NEFH: variants seen among roughly 807,000 people sequenced by gnomAD.
The protein encoded by NEFH is neurofilament heavy chain.
NEFH carries 58 observed loss-of-function variants against 56.6 expected under a neutral mutation model. That is an observed-to-expected ratio of 1.03 (90% confidence interval 0.83 to 1.28). The LOEUF (loss-of-function observed/expected upper bound fraction) is 1.28. Ranked by LOEUF, NEFH falls within the 50% of genes most tolerant of loss-of-function variation. The pLI, the probability that NEFH is intolerant of heterozygous loss-of-function variation, is 0.00. For missense variants in NEFH, 1,221 were observed against 1,307.6 expected, an observed-to-expected ratio of 0.93 and a Z score of 1.02; for synonymous variants, 542 against 545.8, an observed-to-expected ratio of 0.99 and a Z score of 0.10.
chr22:29,490,816 GC>G lies in NEFH; in HGVS notation c.*114del, dbSNP rs1448280461. 6.5e-7 allele frequency: 1 copy of G among 1,542,196 alleles called. No individual in the cohort carries two copies. Among genetic ancestry groups the G allele is most frequent in the African/African-American group, 1.4e-5 (1 of 73,036 alleles). ...TTCTGTCTTTATGTAAGAAGAAACT[GC>G]TTAGATGACGGGGCCTCCTTCTTCA... On this transcript the variant is annotated 3_prime_UTR_variant, in exon 4 of 4. Transcript: ENST00000310624.
intron 1 of NEFH, among the ~76,000 whole-genome samples, 161 bp downstream of exon 1, chr22:29,481,306 C>T (rs1436165969): frequency 6.6e-6 from 1 of 152,178 alleles, no homozygotes. Flanking sequence ...CGCAGTTTTA[C>T]TCTGGGTCTC....
chr22:29,480,291 T>TGCTGGGCGCCCGTCCGCGCC lies in NEFH; in HGVS notation c.40_41insGTCCGCGCCGCTGGGCGCCC (p.Pro14ArgfsTer22). ...ATGAGCTTCGGCGGCGCGGACGCGC[T>TGCTGGGCGCCCGTCCGCGCC]GCTGGGCGCCCCGTTCGCGCCGCTG... is the stretch of plus-strand genomic sequence containing the variant. On this transcript the variant is annotated frameshift_variant, in exon 1 of 4. Transcript: ENST00000310624. LOFTEE classifies it high-confidence loss of function. 1 of 1,508,620 alleles carries TGCTGGGCGCCCGTCCGCGCC rather than the reference T, an allele frequency of 6.6e-7. No homozygotes were observed. Among genetic ancestry groups the TGCTGGGCGCCCGTCCGCGCC allele is most frequent in the Non-Finnish European group, 8.8e-7 (1 of 1,137,966 alleles). The allele number at this position is 1,508,620 out of a possible 1,614,324, so 93.5% of individuals were successfully genotyped here.
intron 3 of NEFH, 41 bp from the exon 4 acceptor site, chr22:29,488,808 C>T: frequency 1.3e-6 from 2 of 1,598,430 alleles, no homozygotes; most frequent in Non-Finnish European, 8.6e-7. Flanking sequence ...AGTGAATTTG[C>T]CCTGAGTTTA....
At chr22:29,484,914 A>C (rs925651592) in intron 2 of NEFH, among the ~76,000 whole-genome samples, 1 of 152,052 alleles carries the variant, frequency 6.6e-6, no homozygotes. Context: ...AGCTCACTAA[A>C]GTCTTGTACT....
chr22:29,490,274 G>T lies in NEFH; in HGVS notation c.2634G>T (p.Lys878Asn). 5 of 1,612,480 alleles carry T rather than the reference G, an allele frequency of 3.1e-6. No individual in the cohort carries two copies. Among genetic ancestry groups the T allele is most frequent in the Non-Finnish European group, 4.2e-6 (5 of 1,179,284 alleles). ...EAPKPKVEEK[K>N]EPAVEKPKES... ...CAAAGCCCAAGGTGGAGGAGAAGAA[G>T]GAACCTGCTGTCGAAAAGCCCAAAG... The change falls in exon 4 of 4, where the codon AAG becomes AAT. Residue 878 changes from lysine to asparagine, a missense_variant. Lys to Asn is a moderately conservative substitution (Grantham distance 94). Around this residue, in one of 4 missense-constraint regions of NEFH, gnomAD observed 301 missense variants for 346.6 expected, o/e 0.87. Coordinates refer to ENST00000310624, the MANE Select transcript of NEFH (RefSeq NM_021076.4).
In NEFH at chr22:29,489,288, G is replaced by T; in HGVS notation, c.1648G>T (p.Ala550Ser). ...SPAEVKSPEK[A>S]KSPAKEEAKS... ...AGCCGAAGTCAAGTCCCCTGAGAAG[G>T]CCAAGTCTCCAGCAAAGGAAGAGGC... is the stretch of plus-strand genomic sequence containing the variant. The change falls in exon 4 of 4, where the codon GCC becomes TCC. Residue 550 changes from alanine (A) to serine (S), a missense_variant. By Grantham distance (99) the Ala-to-Ser change is moderately conservative (BLOSUM62 1). Transcript: ENST00000310624. 1 of 1,612,700 alleles carries T rather than the reference G, an allele frequency of 6.2e-7. No individual in the cohort carries two copies. Among genetic ancestry groups the T allele is most frequent in the Non-Finnish European group, 8.5e-7 (1 of 1,179,958 alleles).
Position 29,480,415 on chromosome 22 carries a change from A to G in NEFH, c.153A>G (p.Thr51=), listed in dbSNP as rs755886692. ...CCTCCAGCGGCTTCCACTCGTGGAC[A>G]CGGACGTCCGTGAGCTCCGTGTCCG... The part of the protein sequence containing the change: ...AGSSSGFHSW[T]RTSVSSVSAS... Residue 51 remains threonine, a synonymous_variant, in exon 1 of 4, where the codon ACA becomes ACG. Transcript: ENST00000310624. 177 of 1,533,368 alleles carry G rather than the reference A, an allele frequency of 1.2e-4. 2 individuals are homozygous for G. The Middle Eastern group carries it at 1.8e-3, about 15-fold the overall frequency. 95.0% of individuals were successfully genotyped at this position (1,533,368 alleles called of 1,614,324 possible).
intron 1 of NEFH, among the ~76,000 whole-genome samples, chr22:29,482,702 A>G (rs2063019142): frequency 6.6e-6 from 1 of 152,222 alleles, no homozygotes; most frequent in South Asian, 2.1e-4. Flanking sequence ...GTTAAGCCCC[A>G]TGGGCCAGGT....
intron 1 of NEFH, 32 bp from the exon 2 acceptor site, chr22:29,483,343 C>T (rs9608775): frequency 6.2e-7 from 1 of 1,607,330 alleles, no homozygotes; most frequent in East Asian, 2.2e-5. Context: ...CCAGGTGTGT[C>T]TAACCCTGTG....
rs2063002879 is a variant in NEFH, at chr22:29,480,944, G to T, written c.682G>T (p.Gly228Cys). 1.3e-6 allele frequency: 2 copies of T among 1,529,956 alleles called. No individual in the cohort carries two copies. Among genetic ancestry groups the T allele is most frequent in the Non-Finnish European group, 1.7e-6 (2 of 1,144,958 alleles). The allele number at this position is 1,529,956 out of a possible 1,614,324, so 94.8% of individuals were successfully genotyped here. A position where few individuals can be genotyped will look rare whatever the true frequency, so the allele number is the denominator to read the frequency against. Reference protein sequence around the residue: ...KKAQALQEECGYLRRHHQEEV... With the variant: ...KKAQALQEECCYLRRHHQEEV... ...GGCGCAGGCGCTGCAGGAGGAGTGC[G>T]GCTACCTGCGGCGCCACCACCAGGA... The change falls in exon 1 of 4, where the codon GGC becomes TGC. Residue 228 changes from glycine (G) to cysteine (C), a missense_variant. By Grantham distance (159) the Gly-to-Cys change is radical. Transcript: ENST00000310624.
chr22:29,490,724 CG>C lies in NEFH; in HGVS notation c.*23del, dbSNP rs752431642. On this transcript the variant is annotated 3_prime_UTR_variant, in exon 4 of 4. Coordinates refer to ENST00000310624, the MANE Select transcript of NEFH (RefSeq NM_021076.4). ...AGTAAGGCAGGGAGAAAGGAACATC[CG>C]GAACAGCCAAAGAAACTCAGAAGAG... 2.5e-6 allele frequency: 4 copies of C among 1,613,592 alleles called. No homozygotes were observed. In the African/African-American group the frequency reaches 4.0e-5, roughly 16 times the overall value.
In NEFH at chr22:29,490,924, C is replaced by A; in HGVS notation, c.*221C>A. 2.6e-6 allele frequency: 2 copies of A among 763,270 alleles called. No homozygotes were observed. Among genetic ancestry groups the A allele is most frequent in the Non-Finnish European group, 4.2e-6 (2 of 475,286 alleles). The allele number at this position is 763,270 out of a possible 1,614,324, so 47.3% of individuals were successfully genotyped here. A position where few individuals can be genotyped will look rare whatever the true frequency, so the allele number is the denominator to read the frequency against. On this transcript the variant is annotated 3_prime_UTR_variant, in exon 4 of 4. Transcript: ENST00000310624. ...CCCCAGGCCCTCCCCAGGCGATGGA[C>A]AATTATGATAGCTTATGTAGCTGAA...
In NEFH at chr22:29,490,131, C is replaced by T. The variant is rs1157914370; in HGVS notation, c.2491C>T (p.Gln831Ter). The change falls in exon 4 of 4, where the codon CAG becomes TAG. Residue 831 changes from glutamine to a stop codon, truncating the protein, a stop_gained. Coordinates refer to ENST00000310624, the MANE Select transcript of NEFH (RefSeq NM_021076.4). LOFTEE classifies it high-confidence loss of function. ...KSPVKEEEKP[Q>*]EVKVKEPPKK... ...CCCAGTGAAGGAGGAGGAGAAGCCC[C>T]AGGAGGTGAAAGTCAAAGAGCCCCC... 1 of 1,613,796 alleles carries T rather than the reference C, an allele frequency of 6.2e-7. No individual in the cohort carries two copies. The highest frequency in any genetic ancestry group is 8.5e-7 in the Non-Finnish European group (1 of 1,179,966).
In NEFH at chr22:29,490,565, C is replaced by T; in HGVS notation, c.2925C>T (p.Ala975=). 6.2e-7 allele frequency: 1 copy of T among 1,613,460 alleles called. No homozygotes were observed. The highest frequency in any genetic ancestry group is 8.5e-7 in the Non-Finnish European group (1 of 1,179,866). ...PEEKPKTEAK[A]KEDDKTLSKE... Reference sequence around the variant, plus strand: ...AGAAACCCAAGACAGAGGCCAAAGCCAAGGAAGATGACAAGACCCTCTCAA... The same window carrying T: ...AGAAACCCAAGACAGAGGCCAAAGCTAAGGAAGATGACAAGACCCTCTCAA... Residue 975 remains alanine (A), a synonymous_variant, in exon 4 of 4, where the codon GCC becomes GCT. Transcript: ENST00000310624.
Position 29,483,441 on chromosome 22 carries a change from A to C in NEFH, c.950A>C (p.Glu317Ala), listed in dbSNP as rs765360024. 1.2e-6 allele frequency: 2 copies of C among 1,613,890 alleles called. No homozygotes were observed. Among genetic ancestry groups the C allele is most frequent in the Admixed American group, 1.7e-5 (1 of 60,006 alleles). ...NTDAMRSAQE[E>A]ITEYRRQLQA... is the part of the protein sequence containing the mutation. The stretch of plus-strand genomic sequence containing the variant: ...GACGCTATGCGCTCAGCGCAGGAGG[A>C]GATAACTGAGTACCGGCGTCAGCTG... Residue 317 changes from glutamate to alanine, a missense_variant, in exon 2 of 4, where the codon GAG becomes GCG. Around this residue, in one of 4 missense-constraint regions of NEFH, gnomAD observed 640 missense variants for 555.5 expected, o/e 1.15. Transcript: ENST00000310624.
In NEFH at chr22:29,485,832, A is replaced by C. The variant is rs144321945; in HGVS notation, c.1193A>C (p.Glu398Ala). Residue 398 changes from glutamate to alanine, a missense_variant, in exon 3 of 4, where the codon GAG (glutamate) becomes GCG (alanine). By Grantham distance (107) the Glu-to-Ala change is moderately radical. Coordinates refer to ENST00000310624, the MANE Select transcript of NEFH (RefSeq NM_021076.4). ...LLNVKMALDIEIAAYRKLLEG... is the reference protein window; with the variant it reads ...LLNVKMALDIAIAAYRKLLEG... ...AATGTCAAGATGGCTCTGGATATAG[A>C]GATAGCCGCTTACAGGTGAGACGCA... The C allele has an allele frequency of 6.2e-7, 1 of 1,614,054 alleles. No homozygotes were observed. The highest frequency in any genetic ancestry group is 1.3e-5 in the African/African-American group (1 of 74,930).
At chr22:29,481,291 T>C in intron 1 of NEFH, 146 bp downstream of exon 1, 1 of 790,752 alleles carries the variant, frequency 1.3e-6, no homozygotes, top group East Asian at 2.8e-5. Flanking sequence ...TGCCCCTAGT[T>C]AAATCGCAGT....
Position 29,490,148 on chromosome 22 carries a change from A to T in NEFH, c.2508A>T (p.Lys836Asn). Residue 836 changes from lysine (K) to asparagine (N), a missense_variant, in exon 4 of 4, where the codon AAA (lysine) becomes AAT (asparagine). Lys to Asn is a moderately conservative substitution (Grantham distance 94). Coordinates refer to ENST00000310624, the MANE Select transcript of NEFH (RefSeq NM_021076.4). Reference protein sequence around the residue: ...EEEKPQEVKVKEPPKKAEEEK... With the variant: ...EEEKPQEVKVNEPPKKAEEEK... ...AGAAGCCCCAGGAGGTGAAAGTCAA[A>T]GAGCCCCCAAAGAAGGCAGAGGAAG... The T allele has an allele frequency of 6.2e-7, 1 of 1,613,852 alleles. No individual in the cohort carries two copies. The highest frequency in any genetic ancestry group is 8.5e-7 in the Non-Finnish European group (1 of 1,179,928).
chr22:29,489,459 C>G lies in NEFH; in HGVS notation c.1819C>G (p.Pro607Ala). 6.3e-7 allele frequency: 1 copy of G among 1,585,696 alleles called. No homozygotes were observed. Among genetic ancestry groups the G allele is most frequent in the South Asian group, 1.1e-5 (1 of 89,354 alleles). Residue 607 changes from proline (P) to alanine (A), a missense_variant, in exon 4 of 4, where the codon CCA (proline) becomes GCA (alanine). Coordinates refer to ENST00000310624, the MANE Select transcript of NEFH (RefSeq NM_021076.4). ...EAKSPEKAKS[P>A]VKEEAKSPAE... Reference sequence around the variant, plus strand: ...CAAGTCTCCAGAGAAGGCCAAGTCCCCAGTGAAGGAAGAAGCAAAGTCACC... The same window carrying G: ...CAAGTCTCCAGAGAAGGCCAAGTCCGCAGTGAAGGAAGAAGCAAAGTCACC...
Sources: gnomAD v4.1 joint callset for allele counts (sites outside exome capture counted in the v4.1 genomes callset) on GRCh38, gnomAD v4.1.1 for gene constraint, gnomAD v4.1.1 regional missense constraint, MANE v1.5 for transcripts, NCBI Gene and HGNC (gene_info 2026-07-23, HGNC 2026-07-21) for gene names.